PPM1H: variants seen among roughly 807,000 people sequenced by gnomAD.
PPM1H encodes the protein protein phosphatase 1H.
PPM1H carries 27 observed loss-of-function variants against 54.9 expected under a neutral mutation model. The ratio of observed to expected loss-of-function variants is 0.49; its 90% confidence interval spans 0.36 to 0.68. The LOEUF is 0.68. PPM1H is among the 30% of genes least tolerant of loss of function. The pLI, the probability that PPM1H is intolerant of heterozygous loss-of-function variation, is 0.00. For synonymous variants in PPM1H, 305 were observed against 270.8 expected (o/e 1.13, Z -1.24); for missense variants, 596 against 667.8 (o/e 0.89, Z 1.19).
chr12:62,816,443 T>C (rs1048100570), intron 2 of PPM1H, among the ~76,000 whole-genome samples: 26 of 152,204 alleles, frequency 1.7e-4, no homozygotes, highest in African/African-American at 5.1e-4. Context: ...TACATTTGGT[T>C]TATTTAGCAA....
Position 62,669,252 on chromosome 12 carries a change from G to A in PPM1H, c.1246-1923C>T, listed in dbSNP as rs1303269202. On this transcript the variant is annotated intron_variant, in intron 8 of 9. Coordinates refer to ENST00000228705, the MANE Select transcript of PPM1H (RefSeq NM_020700.2). ...AGAATTCTGTCCTCAGGTCACTGACGAATGTGGTCCAATTTTCACTGTATC... is the reference window on the plus strand; with the variant it reads ...AGAATTCTGTCCTCAGGTCACTGACAAATGTGGTCCAATTTTCACTGTATC... 2.0e-5 allele frequency among the ~76,000 whole-genome samples: 3 copies of A among 152,226 alleles called. 1 individual carries two copies. The highest frequency in any genetic ancestry group is 2.0e-4 in the Admixed American group (3 of 15,280).
intron 6 of PPM1H, among the ~76,000 whole-genome samples, chr12:62,700,017 C>G (rs1225812055): frequency 6.6e-6 from 1 of 152,146 alleles, no homozygotes; most frequent in East Asian, 1.9e-4. Context: ...TAGGCTGAGG[C>G]TCTCTCACTG....
chr12:62,829,860 A>G (rs1868331286), intron 2 of PPM1H, among the ~76,000 whole-genome samples: 1 of 152,238 alleles, frequency 6.6e-6, no homozygotes, highest in Non-Finnish European at 1.5e-5. Context: ...ACACTGACTG[A>G]TTTTTACAGA....
At chr12:62,881,070 C>G (rs1371817717) in intron 1 of PPM1H, among the ~76,000 whole-genome samples, 1 of 152,180 alleles carries the variant, frequency 6.6e-6, no homozygotes, top group Non-Finnish European at 1.5e-5. Context: ...CATAAGAAGG[C>G]ACAAAGTTGC....
chr12:62,745,427 T>A (rs1261525125), intron 4 of PPM1H, among the ~76,000 whole-genome samples: 1 of 152,194 alleles, frequency 6.6e-6, no homozygotes, highest in Non-Finnish European at 1.5e-5. Flanking sequence ...TTTTGTAAGT[T>A]TGAAGAGGAA....
intron 1 of PPM1H, among the ~76,000 whole-genome samples, chr12:62,876,009 C>A (rs1592648732): frequency 6.6e-6 from 1 of 152,182 alleles, no homozygotes; most frequent in East Asian, 1.9e-4. Flanking sequence ...AAGACCCCTT[C>A]ACTCAGCTCT....
chr12:62,734,917 C>T (rs905478365), intron 5 of PPM1H, among the ~76,000 whole-genome samples: 22 of 152,100 alleles, frequency 1.4e-4, no homozygotes, highest in African/African-American at 5.3e-4. Flanking sequence ...CACGGTGGTG[C>T]ACCTGTAGTC....
chr12:62,713,598 G>A (rs1164183014), intron 6 of PPM1H, among the ~76,000 whole-genome samples: 1 of 152,194 alleles, frequency 6.6e-6, no homozygotes, highest in Non-Finnish European at 1.5e-5. Flanking sequence ...CTCAGAGTCT[G>A]GCATCAGAGG....
At chr12:62,828,839 A>G (rs921719678) in intron 2 of PPM1H, among the ~76,000 whole-genome samples, 2 of 152,200 alleles carry the variant, frequency 1.3e-5, no homozygotes, top group Non-Finnish European at 2.9e-5. Context: ...AAGGTCCAAT[A>G]ATGAAAAAAT....
chr12:62,657,153 CA>C (rs1397444255), intron 9 of PPM1H, among the ~76,000 whole-genome samples: 1 of 152,138 alleles, frequency 6.6e-6, no homozygotes, highest in African/African-American at 2.4e-5. Flanking sequence ...CCAGCAGACA[CA>C]AAGCTGCAGA....
chr12:62,805,833 T>C (rs1323639463), intron 2 of PPM1H, among the ~76,000 whole-genome samples: 1 of 152,098 alleles, frequency 6.6e-6, no homozygotes, highest in Non-Finnish European at 1.5e-5. Flanking sequence ...CCTGAGAGAG[T>C]AGATTTTAAG....
chr12:62,796,272 C>T (rs2076733747), intron 3 of PPM1H, among the ~76,000 whole-genome samples: 1 of 152,154 alleles, frequency 6.6e-6, no homozygotes, highest in Non-Finnish European at 1.5e-5. Context: ...GGGCGTCCTC[C>T]AGTTCAATTC....
At chr12:62,915,618 C>T (rs1004714992) in intron 1 of PPM1H, among the ~76,000 whole-genome samples, 42 of 152,192 alleles carry the variant, frequency 2.8e-4, no homozygotes, top group South Asian at 4.1e-4. Flanking sequence ...TGCATACAGG[C>T]GTACCCAAGA....
At chr12:62,701,044 C>T (rs141016335) in intron 6 of PPM1H, among the ~76,000 whole-genome samples, 2 of 152,250 alleles carry the variant, frequency 1.3e-5, no homozygotes, top group African/African-American at 2.4e-5. Context: ...TTTTGTTTTG[C>T]TACCTATGGC....
intron 3 of PPM1H, among the ~76,000 whole-genome samples, chr12:62,798,422 C>T (rs1238095361): frequency 6.6e-6 from 1 of 152,174 alleles, no homozygotes; most frequent in African/African-American, 2.4e-5. Context: ...CACGACTCAG[C>T]TTTCAGCTTA....
At chr12:62,770,890 A>G (rs2076575218) in intron 4 of PPM1H, among the ~76,000 whole-genome samples, 1 of 152,100 alleles carries the variant, frequency 6.6e-6, no homozygotes, top group Non-Finnish European at 1.5e-5. Flanking sequence ...AAAGAAAAGC[A>G]AGGGTCCAGG....
chr12:62,658,919 A>C (rs895631074), intron 9 of PPM1H: 36 of 676,838 alleles, frequency 5.3e-5, no homozygotes, highest in Middle Eastern at 2.8e-4. Flanking sequence ...AATTAAGCGT[A>C]ACTGGCAGAA....
intron 9 of PPM1H, among the ~76,000 whole-genome samples, chr12:62,651,641 T>C (rs2075817096): frequency 6.6e-6 from 1 of 152,194 alleles, no homozygotes; most frequent in African/African-American, 2.4e-5. Flanking sequence ...TCCTTTGAGA[T>C]TGGTTCTCTC....
At chr12:62,899,152 C>T (rs1373602064) in intron 1 of PPM1H, among the ~76,000 whole-genome samples, 1 of 152,192 alleles carries the variant, frequency 6.6e-6, no homozygotes, top group African/African-American at 2.4e-5. Flanking sequence ...AATGGTATCA[C>T]AAAAGACTAC....
Sources: allele counts gnomAD v4.1 joint callset (sites outside exome capture counted in the v4.1 genomes callset), GRCh38; gene constraint gnomAD v4.1.1; transcripts MANE v1.5; gene names NCBI Gene and HGNC (gene_info 2026-07-23, HGNC 2026-07-21).